The following ERCC6L2 variants were observed in gnomAD, a reference collection of about 807,000 sequenced individuals.
ERCC6L2 encodes the protein DNA excision repair protein ERCC-6-like 2.
Under a neutral mutation model 132.0 loss-of-function variants are expected in ERCC6L2, and 77 were observed. That is an observed-to-expected ratio of 0.58 (90% CI 0.49 to 0.71). The LOEUF (loss-of-function observed/expected upper bound fraction) is 0.71. Among genes scored for constraint, ERCC6L2 ranks in the 30% least tolerant of loss-of-function variants. ERCC6L2 has a pLI of 0.00. For missense variants in ERCC6L2, 1,542 were observed against 1,837.6 expected (o/e 0.84, Z 2.94); for synonymous variants, 583 against 632.4 (o/e 0.92, Z 1.17).
At chr9:96,005,975 A>G (rs2033198503) in intron 18 of ERCC6L2, among the ~76,000 whole-genome samples, 1 of 152,184 alleles carries the variant, frequency 6.6e-6, no homozygotes, top group African/African-American at 2.4e-5. Context: ...TGAGCAACAG[A>G]GTGGAGGTAC....
At chr9:95,948,911 G>C (rs1831197469) in intron 12 of ERCC6L2, among the ~76,000 whole-genome samples, 1 of 151,576 alleles carries the variant, frequency 6.6e-6, no homozygotes, top group Admixed American at 6.6e-5. Flanking sequence ...GGAGCTACTA[G>C]ACAAAGACTT....
intron 11 of ERCC6L2, among the ~76,000 whole-genome samples, chr9:95,934,949 C>G (rs1278306236): frequency 2.0e-5 from 3 of 152,158 alleles, no homozygotes; most frequent in Non-Finnish European, 4.4e-5. Flanking sequence ...TTCTAAACCA[C>G]TCTTTTCAAA....
At chr9:95,959,587 A>G (rs1320507990) in intron 13 of ERCC6L2, among the ~76,000 whole-genome samples, 1 of 152,108 alleles carries the variant, frequency 6.6e-6, no homozygotes, top group African/African-American at 2.4e-5. Flanking sequence ...ATCAGAGTGA[A>G]CAGGCAGCCT....
intron 19 of ERCC6L2, among the ~76,000 whole-genome samples, chr9:96,036,543 T>C (rs1423920010): frequency 3.3e-5 from 5 of 152,170 alleles, no homozygotes; most frequent in Admixed American, 1.3e-4. Context: ...AGAACTGGAA[T>C]TGCTGGATCA....
At chr9:95,973,817 T>C (rs1160697781) in intron 16 of ERCC6L2, among the ~76,000 whole-genome samples, 2 of 152,196 alleles carry the variant, frequency 1.3e-5, no homozygotes, top group African/African-American at 4.8e-5. Flanking sequence ...AAAAATATTA[T>C]ATAGTCTTTT....
At chr9:95,948,528 C>T (rs1407341043) in intron 12 of ERCC6L2, among the ~76,000 whole-genome samples, 1 of 151,828 alleles carries the variant, frequency 6.6e-6, no homozygotes, top group African/African-American at 2.4e-5. Flanking sequence ...TGGCGTGTGC[C>T]TGTGGTCCCA....
intron 19 of ERCC6L2, among the ~76,000 whole-genome samples, chr9:96,034,731 G>T (rs1290105398): frequency 6.6e-6 from 1 of 151,152 alleles, no homozygotes; most frequent in Non-Finnish European, 1.5e-5. Context: ...TGCTGCAGCT[G>T]CCCAAGCTGC....
intron 4 of ERCC6L2, among the ~76,000 whole-genome samples, chr9:95,909,233 T>TA: frequency 6.6e-6 from 1 of 152,310 alleles, no homozygotes. Flanking sequence ...TTGGGCCACA[T>TA]ATAGTCTCGG....
intron 6 of ERCC6L2, chr9:95,918,645 G>A: frequency 4.9e-6 from 1 of 203,468 alleles, no homozygotes; most frequent in Non-Finnish European, 1.0e-5. Flanking sequence ...GGATTGTTGA[G>A]GCCTAAGAGC....
intron 17 of ERCC6L2, among the ~76,000 whole-genome samples, chr9:95,983,892 T>C (rs931065306): frequency 8.5e-5 from 13 of 152,178 alleles, no homozygotes; most frequent in Admixed American, 8.5e-4. Flanking sequence ...TTTGACCCTT[T>C]CGTGTTTTCT....
intron 3 of ERCC6L2, among the ~76,000 whole-genome samples, chr9:95,903,243 G>C (rs1471234072): frequency 6.6e-6 from 1 of 151,982 alleles, no homozygotes; most frequent in African/African-American, 2.4e-5. Flanking sequence ...GTGATTTGAA[G>C]GGCCACTTTG....
intron 2 of ERCC6L2, among the ~76,000 whole-genome samples, chr9:95,894,897 G>A (rs1001377198): frequency 3.9e-5 from 6 of 152,090 alleles, no homozygotes; most frequent in African/African-American, 7.2e-5. Context: ...CACCAGGCCC[G>A]GTATGTCAAC....
Position 95,972,303 on chromosome 9 carries a change from T to C in ERCC6L2, c.2552T>C (p.Leu851Ser). 1 of 1,296,486 alleles carries C rather than the reference T, an allele frequency of 7.7e-7. No homozygotes were observed. The highest frequency in any genetic ancestry group is 1.3e-5 in the South Asian group (1 of 79,074). The allele number at this position is 1,296,486 out of a possible 1,614,324, so 80.3% of individuals were successfully genotyped here. A position where few individuals can be genotyped will look rare whatever the true frequency, so the allele number is the denominator to read the frequency against. Residue 851 changes from leucine (L) to serine (S), a missense_variant, in exon 16 of 19, where the codon TTA becomes TCA. This residue lies in a region of ERCC6L2 where 945 missense variants were observed against 1,105.2 expected (regional missense o/e 0.86). Coordinates refer to ENST00000653738, the MANE Select transcript of ERCC6L2 (RefSeq NM_020207.7). ...DSLGTSKHQK[L>S]DNILNPKEKH... ...CTTGGTACTTCAAAACATCAGAAAT[T>C]AGATAACATCCTAAATCCAAAAGAA...
intron 19 of ERCC6L2, among the ~76,000 whole-genome samples, chr9:96,024,621 C>T (rs761643767): frequency 2.3e-4 from 35 of 152,306 alleles, no homozygotes; most frequent in Non-Finnish European, 4.3e-4. Context: ...CATGCACCCA[C>T]CATATTCTAG....
downstream of ERCC6L2, chr9:96,020,275 C>T (rs114476106): frequency 3.1e-3 from 530 of 169,996 alleles, 1 homozygote; most frequent in African/African-American, 0.012. Flanking sequence ...GCCCATGACA[C>T]GTGGGGATTA....
intron 3 of ERCC6L2, among the ~76,000 whole-genome samples, chr9:95,901,931 A>G (rs1009034113): frequency 1.3e-4 from 20 of 152,226 alleles, no homozygotes; most frequent in African/African-American, 4.3e-4. Context: ...GTATGTTTTA[A>G]AAAGACAGTT....
intron 16 of ERCC6L2, among the ~76,000 whole-genome samples, chr9:95,976,163 G>A (rs1377496808): frequency 3.9e-5 from 6 of 152,158 alleles, no homozygotes; most frequent in Non-Finnish European, 8.8e-5. Flanking sequence ...AGATCCGTAT[G>A]TTATTTCCAT....
At chr9:96,031,755 C>A (rs1834463114) in intron 19 of ERCC6L2, among the ~76,000 whole-genome samples, 1 of 152,150 alleles carries the variant, frequency 6.6e-6, no homozygotes, top group Admixed American at 6.5e-5. Flanking sequence ...CCCTGGGGAC[C>A]CACTGCCTAG....
intron 19 of ERCC6L2, among the ~76,000 whole-genome samples, chr9:96,034,346 T>C (rs920138134): frequency 6.6e-6 from 1 of 152,176 alleles, no homozygotes; most frequent in Non-Finnish European, 1.5e-5. Flanking sequence ...CACAAACGCA[T>C]TGCAAGTGGC....
Sources: gnomAD v4.1 joint callset for allele counts (sites outside exome capture counted in the v4.1 genomes callset) on GRCh38, gnomAD v4.1.1 for gene constraint, gnomAD v4.1.1 regional missense constraint, MANE v1.5 for transcripts, NCBI Gene and HGNC (gene_info 2026-07-23, HGNC 2026-07-21) for gene names.